DBF4B: variants seen among roughly 807,000 people sequenced by gnomAD.
DBF4B encodes the protein DBF4B-CDC7 kinase regulatory subunit.
A neutral mutation model predicts 53.4 loss-of-function variants in DBF4B; 49 were observed. The ratio of observed to expected loss-of-function variants is 0.92; its 90% CI spans 0.73 to 1.16. DBF4B has a LOEUF of 1.16. Ranked by LOEUF, DBF4B falls within the 50% of genes most tolerant of loss-of-function variation. The pLI is 0.00. For synonymous variants in DBF4B, 257 were observed against 288.7 expected, an observed-to-expected ratio of 0.89 and a Z score of 1.11; for missense variants, 692 against 775.0, an observed-to-expected ratio of 0.89 and a Z score of 1.27.
chr17:44,725,350 T>C (rs928793521), intron 3 of DBF4B, among the ~76,000 whole-genome samples: 4 of 152,160 alleles, frequency 2.6e-5, no homozygotes, highest in African/African-American at 9.6e-5. Flanking sequence ...TTAGAGAACA[T>C]GGAACTACTC....
At position 44,750,847 on chromosome 17, in the gene DBF4B, ACTC is replaced by A. The variant is rs1013622864; in HGVS notation, c.1445_1447del (p.Ser482del). 1.9e-6 allele frequency: 3 copies of A among 1,610,940 alleles called. No homozygotes were observed. The African/African-American group carries it at 4.1e-5, about 22-fold the overall frequency. ...ATGCCCCTCCATCCCTCCCAAGAAAACTCCTTTGCCCCGGCGGACATTCCTGTT... is the reference window on the plus strand; with the variant it reads ...ATGCCCCTCCATCCCTCCCAAGAAAACTTTGCCCCGGCGGACATTCCTGTT... On this transcript the variant is annotated inframe_deletion, in exon 14 of 14. Coordinates refer to ENST00000315005, the MANE Select transcript of DBF4B (RefSeq NM_145663.3).
At chr17:44,715,635 T>C (rs1973254367) in intron 2 of DBF4B, among the ~76,000 whole-genome samples, 1 of 151,896 alleles carries the variant, frequency 6.6e-6, no homozygotes, top group Non-Finnish European at 1.5e-5. Flanking sequence ...TTTTCTTTTC[T>C]GTGTGTTTCT....
In DBF4B at chr17:44,747,443, C is replaced by T. The variant is rs779603897; in HGVS notation, c.992C>T (p.Ala331Val). ...RSFALEAHLY[A>V]EVDRIIAQLS... ...TTTGCCCTGGAAGCCCATCTATATGCAGAAGTGGACAGGATCATTGCTCAG... is the reference window on the plus strand; with the variant it reads ...TTTGCCCTGGAAGCCCATCTATATGTAGAAGTGGACAGGATCATTGCTCAG... The change falls in exon 12 of 14, where the codon GCA becomes GTA. Residue 331 changes from alanine to valine, a missense_variant. Physicochemically the swap from Ala to Val is moderately conservative, Grantham distance 64. This residue lies in a region of DBF4B where 597 missense variants were observed against 665.8 expected (regional missense o/e 0.90). Transcript: ENST00000315005. The T allele has an allele frequency of 5.0e-6, 8 of 1,614,038 alleles. No individual in the cohort carries two copies. The Admixed American group carries it at 1.2e-4, about 24-fold the overall frequency.
chr17:44,745,944 A>C (rs1277104329), intron 10 of DBF4B, among the ~76,000 whole-genome samples: 1 of 151,608 alleles, frequency 6.6e-6, no homozygotes, highest in Non-Finnish European at 1.5e-5. Flanking sequence ...GTGGTGACTC[A>C]GTCCTGTAAT....
intron 3 of DBF4B, among the ~76,000 whole-genome samples, chr17:44,725,537 A>G (rs970042194): frequency 2.0e-5 from 3 of 151,950 alleles, no homozygotes; most frequent in Non-Finnish European, 2.9e-5. Flanking sequence ...ATTGTAGAAC[A>G]TTTTCATCAC....
chr17:44,747,128 C>A lies in DBF4B; in HGVS notation c.876C>A (p.Thr292=). ...CAAGCCCACGATCAGCTGCCCACAC[C>A]ATGCCCAGGAGGAAGAAAGGCTACT... ...GEPSPRSAAH[T]MPRRKKGYCE... The change falls in exon 11 of 14, where the codon ACC becomes ACA. Residue 292 remains threonine, a synonymous_variant. Transcript: ENST00000315005. The A allele has an allele frequency of 8.1e-6, 13 of 1,614,206 alleles. No homozygotes were observed. The highest frequency in any genetic ancestry group is 1.1e-5 in the Non-Finnish European group (13 of 1,180,042).
chr17:44,709,590 G>A lies in DBF4B; in HGVS notation c.82+224G>A, dbSNP rs114065555. 7.0e-4 allele frequency among the ~76,000 whole-genome samples: 106 copies of A among 152,148 alleles called. 1 individual carries two copies. The highest frequency in any genetic ancestry group is 2.4e-3 in the African/African-American group (99 of 41,498). On this transcript the variant is annotated intron_variant, in intron 2 of 13. Coordinates refer to ENST00000315005, the MANE Select transcript of DBF4B (RefSeq NM_145663.3). Reference sequence around the variant, plus strand: ...CCTGCCTAGGCCTCCCAAAATGCTGGGATTACAGGTGTGAGCCACTTCACC... The same window carrying A: ...CCTGCCTAGGCCTCCCAAAATGCTGAGATTACAGGTGTGAGCCACTTCACC...
At chr17:44,740,869 C>T (rs985422872) in intron 9 of DBF4B, among the ~76,000 whole-genome samples, 7 of 152,140 alleles carry the variant, frequency 4.6e-5, no homozygotes, top group Non-Finnish European at 7.4e-5. Context: ...GGCGTGGTGG[C>T]TCACGCCTGT....
At position 44,708,844 on chromosome 17, in the gene DBF4B, G is replaced by T. The variant is rs1256984701; in HGVS notation, c.19+5G>T. On this transcript the variant is annotated splice_donor_5th_base_variant and intron_variant, in intron 1 of 13. Transcript: ENST00000315005. Reference sequence around the variant, plus strand: ...TGATGAGCGAACCGGGAAAGGGTACGGATGCCGGGAAGGGGAGAAAGAAAG... The same window carrying T: ...TGATGAGCGAACCGGGAAAGGGTACTGATGCCGGGAAGGGGAGAAAGAAAG... 2 of 1,551,514 alleles carry T rather than the reference G, an allele frequency of 1.3e-6. No individual in the cohort carries two copies. The highest frequency in any genetic ancestry group is 4.9e-5 in the East Asian group (2 of 40,942).
chr17:44,716,635 A>G (rs1973361119), intron 2 of DBF4B, among the ~76,000 whole-genome samples: 1 of 152,152 alleles, frequency 6.6e-6, no homozygotes, highest in African/African-American at 2.4e-5. Flanking sequence ...CCCACTTCCC[A>G]GTTGTGCCAG....
rs773204316 is a variant in DBF4B, at chr17:44,730,039, G to A, written c.360G>A (p.Ser120=). 8.1e-6 allele frequency: 13 copies of A among 1,613,200 alleles called. No individual in the cohort carries two copies. The highest frequency in any genetic ancestry group is 1.9e-4 in the Middle Eastern group (1 of 5,328). ...PSPSEVRVET[S]AMVDPKGSHP... ...CCAGTGAGGTCAGAGTGGAAACATC[G>A]GCCATGGTTGATCCAAAAGGCAGCC... Residue 120 remains serine, a synonymous_variant, in exon 4 of 14, where the codon TCG becomes TCA. Coordinates refer to ENST00000315005, the MANE Select transcript of DBF4B (RefSeq NM_145663.3).
intron 10 of DBF4B, among the ~76,000 whole-genome samples, chr17:44,743,976 CTG>C (rs1976333317): frequency 6.6e-6 from 1 of 150,958 alleles, no homozygotes. Flanking sequence ...TGAACTATCT[CTG>C]GAGATAGACC....
rs373337894 is a variant in DBF4B at position 44,750,568 on chromosome 17, T to C, written c.1190-27T>C. On this transcript the variant is annotated intron_variant, in intron 13 of 13. Transcript: ENST00000315005. ...GCAAAGAGATGGGGCTGGAATGCCA[T>C]ATGTCGGTCCTTGATCTGCCCTCCA... is the stretch of plus-strand genomic sequence containing the variant. The C allele has an allele frequency of 3.3e-5, 52 of 1,575,976 alleles. No individual in the cohort carries two copies. In the Middle Eastern group the frequency reaches 1.7e-3, roughly 52 times the overall value.
chr17:44,711,571 G>A (rs916060355), intron 2 of DBF4B, among the ~76,000 whole-genome samples: 2 of 152,198 alleles, frequency 1.3e-5, no homozygotes, highest in East Asian at 1.9e-4. Context: ...CAGCACTTTG[G>A]GAGGCCAAGG....
intron 6 of DBF4B, 165 bp from the exon 7 acceptor site, chr17:44,733,925 G>A (rs73984063): frequency 6.2e-5 from 38 of 616,386 alleles, no homozygotes; most frequent in African/African-American, 4.9e-4. Flanking sequence ...CTTAACCTCC[G>A]CTGTCAGGAG....
Position 44,752,004 on chromosome 17 carries a change from A to T in DBF4B, c.*751A>T, listed in dbSNP as rs536306229. ...CCTGAAGAGCCCTCCAGCCCTAACT[A>T]CTTTACTCAGACTAGGTCCCCAGGC... On this transcript the variant is annotated 3_prime_UTR_variant, in exon 14 of 14. Coordinates refer to ENST00000315005, the MANE Select transcript of DBF4B (RefSeq NM_145663.3). The T allele has an allele frequency of 6.5e-7, 1 of 1,533,306 alleles. No homozygotes were observed. 95.0% of individuals were successfully genotyped at this position (1,533,306 alleles called of 1,614,324 possible).
chr17:44,722,938 C>T lies in DBF4B; in HGVS notation c.141C>T (p.Pro47=). 6.2e-7 allele frequency: 1 copy of T among 1,614,184 alleles called. No individual in the cohort carries two copies. The change falls in exon 3 of 14, where the codon CCC becomes CCT. Residue 47 remains proline (P), a synonymous_variant. Transcript: ENST00000315005. ...QKNSPGARKH[P]FSGKSFYLDL... ...ACTCACCAGGTGCCAGGAAGCATCC[C>T]TTTTCCGGAAAGTCCTTTTACTTGG...
chr17:44,727,961 A>G (rs890501529), intron 3 of DBF4B, among the ~76,000 whole-genome samples: 2 of 144,020 alleles, frequency 1.4e-5, no homozygotes, highest in Non-Finnish European at 1.5e-5. Flanking sequence ...CAGGTGATCC[A>G]CCTGCCTTGG....
rs181778812 is a variant in DBF4B at position 44,728,767 on chromosome 17, A to C, written c.226-1138A>C. On this transcript the variant is annotated intron_variant, in intron 3 of 13. Coordinates refer to ENST00000315005, the MANE Select transcript of DBF4B (RefSeq NM_145663.3). ...GGGAGGCGGAGGTTGCAGTGAGCTG[A>C]GATCGCATGACTGCACTCCAGCCTG... Among the ~76,000 whole-genome samples the C allele has an allele frequency of 1.6e-4, 25 of 151,590 alleles. No individual in the cohort carries two copies. The East Asian group carries it at 4.8e-3, about 29-fold the overall frequency.
Sources: allele counts gnomAD v4.1 joint callset (sites outside exome capture counted in the v4.1 genomes callset), GRCh38; gene constraint gnomAD v4.1.1; regional missense constraint gnomAD v4.1.1; transcripts MANE v1.5; gene names NCBI Gene and HGNC (gene_info 2026-07-23, HGNC 2026-07-21).